The following ABLIM1 variants were observed in gnomAD, a reference collection of about 807,000 sequenced individuals.
ABLIM1 encodes actin-binding LIM protein 1.
A neutral mutation model predicts 107.0 loss-of-function variants in ABLIM1; 40 were observed. That is an observed-to-expected ratio of 0.37 (90% CI 0.29 to 0.49). The LOEUF is 0.49. Ranked by LOEUF, ABLIM1 falls within the 20% of genes least tolerant of loss-of-function variation. The pLI is 0.97. For synonymous variants in ABLIM1, 357 were observed against 357.3 expected (o/e 1.00, Z 0.01); for missense variants, 857 against 1,008.5 (o/e 0.85, Z 2.04).
intron 1 of ABLIM1, among the ~76,000 whole-genome samples, chr10:114,725,510 G>A (rs1238635101): frequency 2.6e-5 from 4 of 152,104 alleles, no homozygotes; most frequent in East Asian, 1.9e-4. Context: ...AAAATGGTGC[G>A]TAGAGTATGG....
intron 2 of ABLIM1, among the ~76,000 whole-genome samples, chr10:114,593,890 AGGTAACACTTCAACAT>A (rs1203188343): frequency 2.2e-4 from 33 of 152,372 alleles, no homozygotes; most frequent in African/African-American, 6.5e-4. Context: ...TTATTTGACA[AGGTAACACTTCAACAT>A]GGCAACAAAT....
intron 1 of ABLIM1, chr10:114,613,734 G>A (rs752149467): frequency 1.3e-4 from 168 of 1,311,758 alleles, no homozygotes; most frequent in Middle Eastern, 4.2e-4. Context: ...AACTTGCAAT[G>A]TCAAACATTC....
chr10:114,483,518 C>G (rs2057709556), intron 8 of ABLIM1, among the ~76,000 whole-genome samples: 1 of 152,180 alleles, frequency 6.6e-6, no homozygotes, highest in African/African-American at 2.4e-5. Context: ...CTCTAGTGAT[C>G]TGCCCACATT....
rs114861008 is a variant in ABLIM1, at chr10:114,645,433, T to G, written c.244+12524A>C. On this transcript the variant is annotated intron_variant, in intron 1 of 22. Coordinates refer to ENST00000533213, the MANE Select transcript of ABLIM1 (RefSeq NM_002313.7). ...TTCCTAGGATCACCTTCCAAATAAA[T>G]TACTTGCTTTTAAGTTTTCCTCGCA... Among the ~76,000 whole-genome samples the G allele has an allele frequency of 5.5e-3, 843 of 152,270 alleles. 7 individuals are homozygous for G. The highest frequency in any genetic ancestry group is 0.019 in the African/African-American group (791 of 41,554).
intron 12 of ABLIM1, among the ~76,000 whole-genome samples, chr10:114,463,778 A>G (rs1475844905): frequency 6.6e-6 from 1 of 152,166 alleles, no homozygotes. Context: ...GTTTTAAATC[A>G]TCATCTGGCA....
At chr10:114,437,266 T>C (rs929669738) in intron 22 of ABLIM1, among the ~76,000 whole-genome samples, 4 of 152,014 alleles carry the variant, frequency 2.6e-5, no homozygotes, top group Admixed American at 6.6e-5. Flanking sequence ...TCAAAGAAAA[T>C]GACTGAAATC....
At chr10:114,637,104 A>G (rs7904453) in intron 1 of ABLIM1, among the ~76,000 whole-genome samples, 109,024 of 150,046 alleles carry the variant, frequency 0.73, 39,905 homozygotes, top group African/African-American at 0.83. Context: ...TGCAAGGGGT[A>G]CTTCAAATGC....
intron 12 of ABLIM1, among the ~76,000 whole-genome samples, chr10:114,455,756 C>T (rs1465641155): frequency 1.3e-5 from 2 of 152,042 alleles, no homozygotes; most frequent in Non-Finnish European, 2.9e-5. Flanking sequence ...TAAAGGAAGC[C>T]AGATGCTAGT....
At chr10:114,528,488 A>G (rs974097507) in intron 6 of ABLIM1, among the ~76,000 whole-genome samples, 2 of 152,220 alleles carry the variant, frequency 1.3e-5, no homozygotes, top group Non-Finnish European at 2.9e-5. Flanking sequence ...CTTATACATC[A>G]TAATAATGAC....
At chr10:114,799,368 A>G in the ABLIM1 span, among the ~76,000 whole-genome samples, 1 of 152,048 alleles carries the variant, frequency 6.6e-6, no homozygotes, top group East Asian at 1.9e-4. Context: ...TCTCATTTAT[A>G]TTTCCACACT....
rs60805531 is a variant in ABLIM1 at position 114,448,604 on chromosome 10, T to TTTATTATTATTATTATTATTATTA, written c.1595-608_1595-585dup. 6.1e-3 allele frequency among the ~76,000 whole-genome samples: 917 copies of TTTATTATTATTATTATTATTATTA among 149,802 alleles called. 11 individuals carry two copies. The highest frequency in any genetic ancestry group is 0.022 in the African/African-American group (877 of 40,306). The stretch of plus-strand genomic sequence containing the variant: ...CAAATATGTTGGTCCAGATCATTCT[T>TTTATTATTATTATTATTATTATTA]TTATTATTATTATTATTATTATTAT... On this transcript the variant is annotated intron_variant, in intron 14 of 22. Coordinates refer to ENST00000533213, the MANE Select transcript of ABLIM1 (RefSeq NM_002313.7).
chr10:114,763,131 T>C (rs1284885711), intron 1 of ABLIM1, among the ~76,000 whole-genome samples: 1 of 152,238 alleles, frequency 6.6e-6, no homozygotes, highest in Non-Finnish European at 1.5e-5. Context: ...GTTTGTTTTC[T>C]GCATGTGTCT....
At chr10:114,792,361 TG>T in the ABLIM1 span, among the ~76,000 whole-genome samples, 1 of 152,316 alleles carries the variant, frequency 6.6e-6, no homozygotes, top group African/African-American at 2.4e-5. Context: ...GAGTGAATGG[TG>T]GACACAGGTT....
chr10:114,494,181 A>T (rs182190776), intron 6 of ABLIM1, among the ~76,000 whole-genome samples: 58 of 152,326 alleles, frequency 3.8e-4, no homozygotes, highest in Admixed American at 3.3e-3. Context: ...TAGAGAGGAC[A>T]ACTGGTTCTC....
chr10:114,638,913 T>C (rs905047082), intron 1 of ABLIM1, among the ~76,000 whole-genome samples: 2 of 152,204 alleles, frequency 1.3e-5, no homozygotes, highest in African/African-American at 2.4e-5. Context: ...CAGACCCACA[T>C]AGCAAGACTT....
chr10:114,586,546 C>A (rs2074219759), intron 2 of ABLIM1, among the ~76,000 whole-genome samples: 1 of 152,208 alleles, frequency 6.6e-6, no homozygotes, highest in Non-Finnish European at 1.5e-5. Context: ...AATCAATGAT[C>A]AACTCTTTTC....
intron 1 of ABLIM1, among the ~76,000 whole-genome samples, chr10:114,627,423 T>C (rs2077884952): frequency 6.6e-6 from 1 of 152,154 alleles, no homozygotes; most frequent in East Asian, 1.9e-4. Context: ...TAGTTATTTG[T>C]GAGCTTATTT....
At chr10:114,448,185 A>G (rs2061329518) in intron 14 of ABLIM1, among the ~76,000 whole-genome samples, 165 bp from the exon 15 acceptor site, 2 of 152,232 alleles carry the variant, frequency 1.3e-5, no homozygotes. Context: ...GTACCTATTG[A>G]CAAGTCAACT....
At chr10:114,563,872 G>A (rs977879564) in intron 4 of ABLIM1, among the ~76,000 whole-genome samples, 1 of 145,916 alleles carries the variant, frequency 6.9e-6, no homozygotes, top group Non-Finnish European at 1.5e-5. Context: ...AAAATTAGCT[G>A]GTGCCTAGAA....
Sources: allele counts gnomAD v4.1 joint callset (sites outside exome capture counted in the v4.1 genomes callset), GRCh38; gene constraint gnomAD v4.1.1; transcripts MANE v1.5; gene names NCBI Gene and HGNC (gene_info 2026-07-23, HGNC 2026-07-21).